Variants in FCER2 observed in about 807,000 individuals in gnomAD.
The protein encoded by FCER2 is Fc epsilon receptor II.
A neutral mutation model predicts 49.7 loss-of-function variants in FCER2; 38 were observed. The ratio of observed to expected loss-of-function variants is 0.76; its 90% CI spans 0.59 to 1.00. The LOEUF (loss-of-function observed/expected upper bound fraction) is 1.00, where lower values mean the gene tolerates loss of function less well. Among genes scored for constraint, FCER2 ranks in the 50% least tolerant of loss-of-function variants. FCER2 has a pLI of 0.00. For synonymous variants in FCER2, 163 were observed against 164.6 expected (o/e 0.99, Z 0.07); for missense variants, 425 against 419.5 (o/e 1.01, Z -0.11).
rs1254077608 is a variant in FCER2, at chr19:7,697,047, C to A, written c.345G>T (p.Gly115=). Residue 115 remains glycine (G), a synonymous_variant, in exon 7 of 11, where the codon GGG becomes GGT. Coordinates refer to ENST00000597921, the MANE Select transcript of FCER2 (RefSeq NM_001220500.2). ...TGAAGCTGCTCAGATCTGCTTGAAG[C>A]CCGTTCAGGTTCCAGGACAGCTCCA... The part of the protein sequence containing the change: ...QDLELSWNLN[G]LQADLSSFKS... 1 of 1,611,448 alleles carries A rather than the reference C, an allele frequency of 6.2e-7. No individual in the cohort carries two copies. Among genetic ancestry groups the A allele is most frequent in the African/African-American group, 1.3e-5 (1 of 74,850 alleles).
Position 7,697,077 on chromosome 19 carries a change from T to C in FCER2, c.317-2A>G, listed in dbSNP as rs753622173. On this transcript the variant is annotated splice_acceptor_variant, in intron 6 of 10. Transcript: ENST00000597921. LOFTEE classifies it high-confidence loss of function. ...TCAGGTTCCAGGACAGCTCCAAGTC[T>C]GGTGTGTGCAGGAGCGCAGGGCTGG... is the stretch of plus-strand genomic sequence containing the variant. The C allele has an allele frequency of 1.9e-6, 3 of 1,613,486 alleles. No individual in the cohort carries two copies. The highest frequency in any genetic ancestry group is 4.5e-5 in the East Asian group (2 of 44,872).
rs926107334 is a variant in FCER2 at position 7,697,360 on chromosome 19, C to A, written c.254-62G>T. The A allele has an allele frequency of 2.6e-6, 4 of 1,567,380 alleles. No individual in the cohort carries two copies. In the Admixed American group the frequency reaches 5.0e-5, roughly 20 times the overall value. On this transcript the variant is annotated intron_variant, in intron 5 of 10. Coordinates refer to ENST00000597921, the MANE Select transcript of FCER2 (RefSeq NM_001220500.2). ...CCTCATTGTCTCCCCCATCTACCCCCACCCATCCCTTGGTCTCTTTGCCTG... is the reference window on the plus strand; with the variant it reads ...CCTCATTGTCTCCCCCATCTACCCCAACCCATCCCTTGGTCTCTTTGCCTG...
At position 7,697,587 on chromosome 19, in the gene FCER2, A is replaced by G. The variant is rs776268077; in HGVS notation, c.193T>C (p.Ser65Pro). Residue 65 changes from serine (S) to proline (P), a missense_variant and splice_region_variant, in exon 5 of 11, where the codon TCT becomes CCT. Coordinates refer to ENST00000597921, the MANE Select transcript of FCER2 (RefSeq NM_001220500.2). Reference protein sequence around the residue: ...QLEERAARNVSQVSKNLESHH... With the variant: ...QLEERAARNVPQVSKNLESHH... ...CTTTCCAAGTTCTTGGAAACTTGAG[A>G]GACTGGAGCGGCGGGAGAGAAGAGA... The G allele has an allele frequency of 1.9e-6, 3 of 1,613,968 alleles. No individual in the cohort carries two copies. The highest frequency in any genetic ancestry group is 2.5e-6 in the Non-Finnish European group (3 of 1,179,928).
At chr19:7,694,366 G>C (rs2032962061) in intron 8 of FCER2, among the ~76,000 whole-genome samples, 1 of 152,040 alleles carries the variant, frequency 6.6e-6, no homozygotes, top group Admixed American at 6.6e-5. Context: ...CCCTGTCTCT[G>C]AACAACAAAA....
At chr19:7,698,540 G>A in intron 3 of FCER2, 131 bp from the exon 4 acceptor site, 1 of 897,222 alleles carries the variant, frequency 1.1e-6, no homozygotes, top group Non-Finnish European at 1.7e-6. Flanking sequence ...GTGGAGGACA[G>A]GGATGCTGGG....
intron 10 of FCER2, among the ~76,000 whole-genome samples, 178 bp downstream of exon 10, chr19:7,689,981 T>C (rs1487289205): frequency 6.6e-6 from 1 of 151,972 alleles, no homozygotes; most frequent in Non-Finnish European, 1.5e-5. Flanking sequence ...TATCCCCTCC[T>C]CCAGGTCAGA....
intron 2 of FCER2, chr19:7,699,534 G>T: frequency 1.2e-5 from 17 of 1,378,758 alleles, no homozygotes; most frequent in Non-Finnish European, 1.6e-5. Flanking sequence ...TCAGAAAAAG[G>T]AGGGGCCCTC....
chr19:7,696,681 T>G (rs975293210), intron 8 of FCER2, 144 bp downstream of exon 8: 4 of 648,686 alleles, frequency 6.2e-6, no homozygotes, highest in Non-Finnish European at 1.1e-5. Context: ...CGCTTATATC[T>G]TTGTGTCCTC....
chr19:7,699,485 TTTTTTTTC>T, intron 2 of FCER2: 1 of 1,351,160 alleles, frequency 7.4e-7, no homozygotes, highest in Non-Finnish European at 9.6e-7. Flanking sequence ...CCGTTTTTTT[TTTTTTTTC>T]TTTTTCTTTT....
At chr19:7,698,462 C>T (rs1302537049) in intron 3 of FCER2, 53 bp from the exon 4 acceptor site, 1 of 1,375,948 alleles carries the variant, frequency 7.3e-7, no homozygotes, top group African/African-American at 1.4e-5. Flanking sequence ...AGTGCCCCCA[C>T]CTGCCTGCAC....
rs143388680 is a variant in FCER2, at chr19:7,698,850, G to A, written c.27C>T (p.Ile9=). The A allele has an allele frequency of 1.8e-4, 281 of 1,592,140 alleles. No individual in the cohort carries two copies. Among genetic ancestry groups the A allele is most frequent in the African/African-American group, 3.1e-4 (23 of 74,158 alleles). The part of the protein sequence containing the change: MEEGQYSE[I]EELPRRRCCR... ...AACACCGCCTCCTGGGAAGCTCCTC[G>A]ATCTCTGCCGGGGGTGGAGGGACTG... Residue 9 remains isoleucine (I), a synonymous_variant, in exon 3 of 11, where the codon ATC becomes ATT. Transcript: ENST00000597921.
At chr19:7,701,164 T>G (rs1274118120) in intron 1 of FCER2, among the ~76,000 whole-genome samples, 1 of 152,142 alleles carries the variant, frequency 6.6e-6, no homozygotes, top group Non-Finnish European at 1.5e-5. Context: ...GGACTTGGGG[T>G]CCTTCAGGCC....
At chr19:7,698,638 G>A in intron 3 of FCER2, 103 bp downstream of exon 3, 1 of 1,498,960 alleles carries the variant, frequency 6.7e-7, no homozygotes, top group East Asian at 2.5e-5. Context: ...TGGGTTTTGA[G>A]AGGATGCGTT....
At chr19:7,694,696 C>T (rs1469417250) in intron 8 of FCER2, among the ~76,000 whole-genome samples, 2 of 152,190 alleles carry the variant, frequency 1.3e-5, no homozygotes, top group Admixed American at 1.3e-4. Flanking sequence ...GACTCCATCA[C>T]ACCAAGCACA....
intron 8 of FCER2, 93 bp downstream of exon 8, chr19:7,696,732 C>G (rs776995488): frequency 2.3e-6 from 2 of 880,040 alleles, no homozygotes; most frequent in African/African-American, 1.7e-5. Flanking sequence ...GACATGCTGC[C>G]TCACGTCACA....
intron 8 of FCER2, among the ~76,000 whole-genome samples, chr19:7,692,639 A>G (rs78919478): frequency 0.013 from 1,920 of 150,902 alleles, 77 homozygotes; most frequent in Middle Eastern, 0.034. Context: ...CACCATCGCC[A>G]TCAGCACTTC....
intron 8 of FCER2, among the ~76,000 whole-genome samples, chr19:7,691,808 C>T (rs1208507168): frequency 1.3e-5 from 2 of 151,834 alleles, no homozygotes; most frequent in African/African-American, 4.8e-5. Flanking sequence ...CCTCAGTCAC[C>T]AACACCATGA....
intron 8 of FCER2, among the ~76,000 whole-genome samples, chr19:7,692,165 T>C (rs111623118): frequency 4.8e-4 from 41 of 85,174 alleles, no homozygotes; most frequent in East Asian, 7.7e-4. Flanking sequence ...TCAGCACGAA[T>C]ACATTCACGT....
chr19:7,694,023 C>G (rs1415443256), intron 8 of FCER2, among the ~76,000 whole-genome samples: 2 of 150,302 alleles, frequency 1.3e-5, no homozygotes. Flanking sequence ...AACTCCTGGG[C>G]TCAAGTGATC....
Sources: allele counts gnomAD v4.1 joint callset (sites outside exome capture counted in the v4.1 genomes callset), GRCh38; gene constraint gnomAD v4.1.1; transcripts MANE v1.5; gene names NCBI Gene and HGNC (gene_info 2026-07-23, HGNC 2026-07-21).